Variants in FRAS1 observed in about 807,000 individuals in gnomAD.
FRAS1 encodes the protein extracellular matrix organizing protein FRAS1.
A neutral mutation model predicts 435.2 loss-of-function variants in FRAS1; 290 were observed. The observed-to-expected ratio is 0.67, with a 90% CI of 0.61 to 0.73. FRAS1 has a LOEUF of 0.73. FRAS1 is among the 30% of genes least tolerant of loss of function. The pLI is 0.00. For synonymous variants in FRAS1, 1,800 were observed against 1,851.0 expected (o/e 0.97, Z 0.71); for missense variants, 4,860 against 5,001.5 (o/e 0.97, Z 0.85).
At position 78,540,981 on chromosome 4, in the gene FRAS1, G is replaced by A. The variant is rs192220896; in HGVS notation, c.11896G>A (p.Val3966Met). ...KRHPDRVEKNVNRHYCTVRNV... is the reference protein window; with the variant it reads ...KRHPDRVEKNMNRHYCTVRNV... Reference sequence around the variant, plus strand: ...GCACCCGGACCGGGTGGAGAAGAACGTGAATAGACACTACTGCACTGTGCG... The same window carrying A: ...GCACCCGGACCGGGTGGAGAAGAACATGAATAGACACTACTGCACTGTGCG... Residue 3966 changes from valine (V) to methionine (M), a missense_variant, in exon 74 of 74, where the codon GTG becomes ATG. By Grantham distance (21) the Val-to-Met change is conservative (BLOSUM62 1). Transcript: ENST00000512123. The A allele has an allele frequency of 2.2e-4, 359 of 1,613,268 alleles. 1 individual carries two copies. In the African/African-American group the frequency reaches 4.4e-3, roughly 20 times the overall value.
chr4:78,508,452 CA>C (rs1720909893), intron 62 of FRAS1, among the ~76,000 whole-genome samples: 1 of 152,110 alleles, frequency 6.6e-6, no homozygotes, highest in Non-Finnish European at 1.5e-5. Context: ...GCAGGAAAAT[CA>C]GAGTATTTTT....
At position 78,444,835 on chromosome 4, in the gene FRAS1, C is replaced by T. The variant is rs546283083; in HGVS notation, c.5666-687C>T. 3.3e-5 allele frequency among the ~76,000 whole-genome samples: 5 copies of T among 152,156 alleles called. No homozygotes were observed. In the South Asian group the frequency reaches 6.2e-4, roughly 19 times the overall value. On this transcript the variant is annotated intron_variant, in intron 41 of 73. Coordinates refer to ENST00000512123, the MANE Select transcript of FRAS1 (RefSeq NM_025074.7). ...CGGTACCTGAATGGTGGTACCCAAGCGCCTCAGTGCCTGAATCCCACCTGA... is the reference window on the plus strand; with the variant it reads ...CGGTACCTGAATGGTGGTACCCAAGTGCCTCAGTGCCTGAATCCCACCTGA...
intron 11 of FRAS1, 112 bp from the exon 12 acceptor site, chr4:78,282,708 T>C: frequency 8.4e-7 from 1 of 1,186,952 alleles, no homozygotes; most frequent in East Asian, 2.4e-5. Context: ...GGCAGAGTAC[T>C]GATTAGCTGC....
At chr4:78,472,055 A>G (rs1017824124) in intron 51 of FRAS1, 125 bp from the exon 52 acceptor site, 4 of 987,430 alleles carry the variant, frequency 4.1e-6, no homozygotes, top group African/African-American at 3.2e-5. Context: ...CAATCCTGAC[A>G]GAGCTTTCCA....
intron 64 of FRAS1, among the ~76,000 whole-genome samples, chr4:78,513,144 T>C (rs1011922011): frequency 9.5e-5 from 14 of 147,260 alleles, no homozygotes; most frequent in African/African-American, 3.2e-4. Flanking sequence ...TTTTCCTGTA[T>C]AGAAAAAAAA....
At chr4:78,538,276 G>T (rs115057772) in intron 72 of FRAS1, among the ~76,000 whole-genome samples, 40 of 152,194 alleles carry the variant, frequency 2.6e-4, no homozygotes, top group African/African-American at 9.6e-4. Flanking sequence ...ATTTTTAACC[G>T]AGTAAATGTC....
chr4:78,447,443 A>C (rs575904494), intron 43 of FRAS1, among the ~76,000 whole-genome samples: 1 of 151,800 alleles, frequency 6.6e-6, no homozygotes, highest in South Asian at 2.1e-4. Context: ...CGTAATGCTC[A>C]TTGGTCTTTT....
intron 30 of FRAS1, among the ~76,000 whole-genome samples, chr4:78,406,755 C>A (rs1733112204): frequency 6.6e-6 from 1 of 152,158 alleles, no homozygotes; most frequent in African/African-American, 2.4e-5. Context: ...CTTAAGGAAG[C>A]TCACTCAGCT....
At position 78,286,256 on chromosome 4, in the gene FRAS1, C is replaced by G. The variant is rs73827929; in HGVS notation, c.1400-149C>G. Reference sequence around the variant, plus strand: ...TGGCTGACATGAACTGTGTGCTATACAGATGATGGCTGTTAAAATTATTTT... The same window carrying G: ...TGGCTGACATGAACTGTGTGCTATAGAGATGATGGCTGTTAAAATTATTTT... On this transcript the variant is annotated intron_variant, in intron 13 of 73. Coordinates refer to ENST00000512123, the MANE Select transcript of FRAS1 (RefSeq NM_025074.7). 4.0e-3 allele frequency: 3,405 copies of G among 843,088 alleles called. 81 individuals are homozygous for G. In the African/African-American group the frequency reaches 0.047, roughly 12 times the overall value. The allele number at this position is 843,088 out of a possible 1,614,324, so 52.2% of individuals were successfully genotyped here. A position where few individuals can be genotyped will look rare whatever the true frequency, so the allele number is the denominator to read the frequency against.
chr4:78,301,846 G>GTTTTTTTTTTTTTT (rs59794614), intron 14 of FRAS1, among the ~76,000 whole-genome samples: 3 of 103,934 alleles, frequency 2.9e-5, no homozygotes, highest in Admixed American at 1.1e-4. Flanking sequence ...CACAGAAACA[G>GTTTTTTTTTTTTTT]TTTTTTTTTT....
In FRAS1 at chr4:78,464,588, G is replaced by C. The variant is rs1006574339; in HGVS notation, c.7029+5G>C. ...GCGGTGGATGCTGACACAGAGGTAAGAGCACTTCTTCCCATGGGTTCTCTG... is the reference window on the plus strand; with the variant it reads ...GCGGTGGATGCTGACACAGAGGTAACAGCACTTCTTCCCATGGGTTCTCTG... On this transcript the variant is annotated splice_donor_5th_base_variant and intron_variant, in intron 49 of 73. Transcript: ENST00000512123. 1.2e-6 allele frequency: 2 copies of C among 1,613,358 alleles called. No individual in the cohort carries two copies. The highest frequency in any genetic ancestry group is 2.7e-5 in the African/African-American group (2 of 74,888).
At chr4:78,095,528 C>T (rs1741757121) in intron 2 of FRAS1, among the ~76,000 whole-genome samples, 1 of 152,132 alleles carries the variant, frequency 6.6e-6, no homozygotes, top group African/African-American at 2.4e-5. Flanking sequence ...TTTCATGCTG[C>T]TGATAAAGAC....
intron 2 of FRAS1, among the ~76,000 whole-genome samples, chr4:78,088,797 G>A (rs1011183251): frequency 7.2e-5 from 11 of 152,214 alleles, no homozygotes; most frequent in Non-Finnish European, 1.5e-4. Flanking sequence ...TGGAGAGGAT[G>A]TGGAGAAATA....
rs1224148848 is a variant in FRAS1, at chr4:78,482,424, C to G, written c.8641C>G (p.Pro2881Ala). ...TLTILDDTQY[P>A]VIEGLETFVV... Reference sequence around the variant, plus strand: ...GACTATCTTGGATGACACTCAGTATCCGGTAATTGAAGGACTGGAGACATT... The same window carrying G: ...GACTATCTTGGATGACACTCAGTATGCGGTAATTGAAGGACTGGAGACATT... Residue 2881 changes from proline (P) to alanine (A), a missense_variant, in exon 58 of 74, where the codon CCG becomes GCG. Coordinates refer to ENST00000512123, the MANE Select transcript of FRAS1 (RefSeq NM_025074.7). 1.2e-6 allele frequency: 2 copies of G among 1,613,818 alleles called. No individual in the cohort carries two copies. The highest frequency in any genetic ancestry group is 2.2e-5 in the South Asian group (2 of 91,080).
At chr4:78,379,611 T>C in intron 26 of FRAS1, 115 bp from the exon 27 acceptor site, 2 of 987,674 alleles carry the variant, frequency 2.0e-6, no homozygotes, top group Non-Finnish European at 3.1e-6. Context: ...TTATTTTGTG[T>C]TTATTCTCTG....
At chr4:78,488,710 A>G (rs1184669131) in intron 58 of FRAS1, among the ~76,000 whole-genome samples, 165 bp from the exon 59 acceptor site, 1 of 152,224 alleles carries the variant, frequency 6.6e-6, no homozygotes, top group Admixed American at 6.5e-5. Context: ...CCTGAGAGCA[A>G]CAACCATGCT....
chr4:78,110,402 G>T (rs1292556865), intron 2 of FRAS1, among the ~76,000 whole-genome samples: 3 of 120,974 alleles, frequency 2.5e-5, no homozygotes, highest in Non-Finnish European at 5.1e-5. Flanking sequence ...CCAAAACAGA[G>T]ATATAGATCA....
intron 14 of FRAS1, among the ~76,000 whole-genome samples, 184 bp from the exon 15 acceptor site, chr4:78,307,882 C>G (rs1205613483): frequency 6.6e-6 from 1 of 152,168 alleles, no homozygotes; most frequent in Admixed American, 6.5e-5. Flanking sequence ...GCTCCTCCCC[C>G]TAGAAACGGT....
chr4:78,313,886 C>T (rs901936532), intron 15 of FRAS1, among the ~76,000 whole-genome samples: 1 of 152,172 alleles, frequency 6.6e-6, no homozygotes, highest in African/African-American at 2.4e-5. Context: ...TTCATTTGGT[C>T]TAATGACTCC....
Sources: gnomAD v4.1 joint callset for allele counts (sites outside exome capture counted in the v4.1 genomes callset) on GRCh38, gnomAD v4.1.1 for gene constraint, MANE v1.5 for transcripts, NCBI Gene and HGNC (gene_info 2026-07-23, HGNC 2026-07-21) for gene names.